ADAMTS2: variants seen among roughly 807,000 people sequenced by gnomAD.
ADAMTS2 encodes ADAM metallopeptidase with thrombospondin type 1 motif 2, also known as A disintegrin and metalloproteinase with thrombospondin motifs 2.
A neutral mutation model predicts 123.0 loss-of-function variants in ADAMTS2; 50 were observed. The ratio of observed to expected loss-of-function variants is 0.41; its 90% CI spans 0.32 to 0.51. The LOEUF is 0.51. Among genes scored for constraint, ADAMTS2 ranks in the 20% least tolerant of loss-of-function variants. The pLI is 0.35. For synonymous variants in ADAMTS2, 678 were observed against 695.4 expected, an observed-to-expected ratio of 0.98 and a Z score of 0.39; for missense variants, 1,494 against 1,705.2, an observed-to-expected ratio of 0.88 and a Z score of 2.18.
chr5:179,168,263 C>G (rs1763745523), intron 5 of ADAMTS2, among the ~76,000 whole-genome samples: 1 of 152,150 alleles, frequency 6.6e-6, no homozygotes, highest in Admixed American at 6.5e-5. Context: ...CCAAATGTCC[C>G]CCGGGTGGGG....
intron 4 of ADAMTS2, among the ~76,000 whole-genome samples, chr5:179,183,281 C>G (rs1053568623): frequency 6.6e-6 from 1 of 152,186 alleles, no homozygotes; most frequent in Non-Finnish European, 1.5e-5. Context: ...TTCTCTATCA[C>G]GACAAAGCTT....
chr5:179,116,046 C>A (rs925638080), intron 21 of ADAMTS2, among the ~76,000 whole-genome samples: 16 of 152,224 alleles, frequency 1.1e-4, no homozygotes, highest in African/African-American at 3.9e-4. Context: ...TGTCTCGGTG[C>A]ATGGTGTTTC....
chr5:179,154,664 A>C (rs1017756210), intron 7 of ADAMTS2, 150 bp downstream of exon 7: 2 of 678,676 alleles, frequency 2.9e-6, no homozygotes, highest in African/African-American at 3.6e-5. Flanking sequence ...TCGGGCCAGC[A>C]CTGCCCAGCG....
At chr5:179,186,723 C>T (rs546253522) in intron 4 of ADAMTS2, among the ~76,000 whole-genome samples, 8 of 152,286 alleles carry the variant, frequency 5.3e-5, no homozygotes, top group South Asian at 2.1e-4. Flanking sequence ...AGACAGAAGG[C>T]GACCTCCACA....
chr5:179,227,736 G>A (rs1272621653), intron 3 of ADAMTS2, among the ~76,000 whole-genome samples: 1 of 152,178 alleles, frequency 6.6e-6, no homozygotes, highest in East Asian at 1.9e-4. Flanking sequence ...GCAGTGCAGA[G>A]GGCCTGGGAG....
At chr5:179,338,468 G>C (rs1356847347) in intron 2 of ADAMTS2, among the ~76,000 whole-genome samples, 1 of 152,192 alleles carries the variant, frequency 6.6e-6, no homozygotes, top group Non-Finnish European at 1.5e-5. Context: ...GATCCCTCAG[G>C]CATCTCTGTA....
At chr5:179,257,130 C>T (rs962686542) in intron 3 of ADAMTS2, among the ~76,000 whole-genome samples, 8 of 152,242 alleles carry the variant, frequency 5.3e-5, no homozygotes, top group African/African-American at 1.7e-4. Flanking sequence ...CAAAGGTGGC[C>T]GAGGTGGTTC....
intron 3 of ADAMTS2, among the ~76,000 whole-genome samples, chr5:179,239,025 GAGA>G (rs1765598791): frequency 6.6e-6 from 1 of 152,144 alleles, no homozygotes; most frequent in Admixed American, 6.5e-5. Flanking sequence ...TTTGGGGAGG[GAGA>G]AGATGTTGTG....
At chr5:179,336,275 C>A (rs1554099268) in intron 2 of ADAMTS2, among the ~76,000 whole-genome samples, 1 of 152,194 alleles carries the variant, frequency 6.6e-6, no homozygotes, top group Non-Finnish European at 1.5e-5. Context: ...GCTGTGAGGT[C>A]AAAAAGTTAG....
chr5:179,247,804 TA>T (rs55743905), intron 3 of ADAMTS2, among the ~76,000 whole-genome samples: 118,619 of 152,084 alleles, frequency 0.78, 51,156 homozygotes, highest in East Asian at 1. Context: ...CAAGAAAAAT[TA>T]AGACACTTTC....
rs1057408727 is a variant in ADAMTS2, at chr5:179,113,693, C to T, written c.*174G>A. Reference sequence around the variant, plus strand: ...CTGGGCTGGGAAGCACACGTGCTAACCTAGTTACCACATGCTCATGCCTAT... The same window carrying T: ...CTGGGCTGGGAAGCACACGTGCTAATCTAGTTACCACATGCTCATGCCTAT... On this transcript the variant is annotated 3_prime_UTR_variant, in exon 22 of 22. Coordinates refer to ENST00000251582, the MANE Select transcript of ADAMTS2 (RefSeq NM_014244.5). The T allele has an allele frequency of 2.7e-5, 19 of 699,350 alleles. No individual in the cohort carries two copies. Among genetic ancestry groups the T allele is most frequent in the Non-Finnish European group, 4.2e-5 (17 of 408,574 alleles). 43.3% of individuals were successfully genotyped at this position (699,350 alleles called of 1,614,324 possible).
intron 2 of ADAMTS2, among the ~76,000 whole-genome samples, chr5:179,326,438 G>A (rs929178900): frequency 6.6e-6 from 1 of 151,992 alleles, no homozygotes; most frequent in East Asian, 1.9e-4. Context: ...GGCCGGTGAT[G>A]CCTGGGGCAG....
Position 179,132,660 on chromosome 5 carries a change from C to T in ADAMTS2, c.2209+117G>A, listed in dbSNP as rs534160004. On this transcript the variant is annotated intron_variant, in intron 14 of 21. Transcript: ENST00000251582. This position sits in a 1 kb window ranked among gnomAD's most constrained non-coding sequence, Gnocchi z 6.1. Reference sequence around the variant, plus strand: ...CCCTCAGTGTCACAGACCTCTCCCCCTCCCCAGAACAGTCATAAGCCCGGA... The same window carrying T: ...CCCTCAGTGTCACAGACCTCTCCCCTTCCCCAGAACAGTCATAAGCCCGGA... 6.8e-7 allele frequency: 1 copy of T among 1,470,472 alleles called. No homozygotes were observed. Among genetic ancestry groups the T allele is most frequent in the Non-Finnish European group, 9.4e-7 (1 of 1,058,472 alleles). 91.1% of individuals were successfully genotyped at this position (1,470,472 alleles called of 1,614,324 possible). A position where few individuals can be genotyped will look rare whatever the true frequency, so the allele number is the denominator to read the frequency against.
At chr5:179,182,662 C>T (rs772937208) in intron 4 of ADAMTS2, among the ~76,000 whole-genome samples, 1 of 152,170 alleles carries the variant, frequency 6.6e-6, no homozygotes, top group Non-Finnish European at 1.5e-5. Context: ...CCAGCCCAAA[C>T]GCAGCTCCTC....
At chr5:179,268,143 A>T (rs1561660209) in intron 3 of ADAMTS2, among the ~76,000 whole-genome samples, 1 of 134,952 alleles carries the variant, frequency 7.4e-6, no homozygotes, top group Non-Finnish European at 1.6e-5. Flanking sequence ...GCTGCACCAG[A>T]CCCAACTTCT....
rs546292131 is a variant in ADAMTS2, at chr5:179,187,302, G to A, written c.892-6147C>T. On this transcript the variant is annotated intron_variant, in intron 4 of 21. Transcript: ENST00000251582. Reference sequence around the variant, plus strand: ...CCTGGCGTGACCTCCAGGCCAGGAGGGTCTGGCCCTGCTGAGTCTTCTCGG... The same window carrying A: ...CCTGGCGTGACCTCCAGGCCAGGAGAGTCTGGCCCTGCTGAGTCTTCTCGG... 2.0e-5 allele frequency among the ~76,000 whole-genome samples: 3 copies of A among 152,300 alleles called. No individual in the cohort carries two copies. In the East Asian group the frequency reaches 5.8e-4, roughly 29 times the overall value.
intron 5 of ADAMTS2, among the ~76,000 whole-genome samples, chr5:179,163,868 A>AC (rs1179469719): frequency 1.3e-5 from 2 of 150,746 alleles, no homozygotes; most frequent in Non-Finnish European, 3.0e-5. Flanking sequence ...GGGGTCTATG[A>AC]CCCCCTTCTG....
Position 179,170,833 on chromosome 5 carries a change from G to C in ADAMTS2, c.975+10239C>G, listed in dbSNP as rs1232597067. Among the ~76,000 whole-genome samples, 1 of 152,150 alleles carries C rather than the reference G, an allele frequency of 6.6e-6. No homozygotes were observed. The highest frequency in any genetic ancestry group is 6.5e-5 in the Admixed American group (1 of 15,286). Reference sequence around the variant, plus strand: ...CCCTGGGATTAAACAGCAGCTGCTCGGGAAGCCAGAGGCTCTGGGCTGGCC... The same window carrying C: ...CCCTGGGATTAAACAGCAGCTGCTCCGGAAGCCAGAGGCTCTGGGCTGGCC... On this transcript the variant is annotated intron_variant, in intron 5 of 21. Coordinates refer to ENST00000251582, the MANE Select transcript of ADAMTS2 (RefSeq NM_014244.5). This position sits in a 1 kb window ranked among gnomAD's most constrained non-coding sequence, Gnocchi z 4.3.
At chr5:179,227,018 A>G (rs1031340542) in intron 3 of ADAMTS2, among the ~76,000 whole-genome samples, 3 of 152,214 alleles carry the variant, frequency 2.0e-5, no homozygotes, top group Admixed American at 2.0e-4. Flanking sequence ...TGTAGTCTAC[A>G]GTGTGCAGGA....
Sources: gnomAD v4.1 joint callset for allele counts (sites outside exome capture counted in the v4.1 genomes callset) on GRCh38, gnomAD v4.1.1 for gene constraint, Gnocchi (gnomAD v3.1) non-coding constraint, MANE v1.5 for transcripts, NCBI Gene and HGNC (gene_info 2026-07-23, HGNC 2026-07-21) for gene names.